The following CALD1 variants were observed in gnomAD, a reference collection of about 807,000 sequenced individuals.
CALD1 encodes the protein caldesmon 1.
In CALD1, 33 loss-of-function variants were observed where a neutral mutation model predicts 99.9. That is an observed-to-expected ratio of 0.33 (90% CI 0.25 to 0.44). The LOEUF (loss-of-function observed/expected upper bound fraction) is 0.44. Among genes scored for constraint, CALD1 ranks in the 20% least tolerant of loss-of-function variants. The probability of loss-of-function intolerance (pLI) is 1.00; values close to 1 mark genes in which losing one functional copy is unlikely to be tolerated. For missense variants in CALD1, 861 were observed against 962.1 expected, an observed-to-expected ratio of 0.89 and a Z score of 1.39; for synonymous variants, 310 against 325.0, an observed-to-expected ratio of 0.95 and a Z score of 0.50.
chr7:134,967,208 T>C lies in CALD1; in HGVS notation c.2377-1132T>C, dbSNP rs1408511912. On this transcript the variant is annotated intron_variant, in intron 14 of 14. Transcript: ENST00000361675. ...ATGAATGGTACTCCCTGGAGTTATG[T>C]AGCACCAGGGCAGTACAAGGTAGGA... Among the ~76,000 whole-genome samples, 3 of 152,178 alleles carry C rather than the reference T, an allele frequency of 2.0e-5. No homozygotes were observed. The East Asian group carries it at 5.8e-4, about 29-fold the overall frequency.
intron 1 of CALD1, among the ~76,000 whole-genome samples, chr7:134,802,957 G>T (rs947122756): frequency 6.6e-6 from 1 of 152,182 alleles, no homozygotes; most frequent in Non-Finnish European, 1.5e-5. Context: ...GTCTTTACAA[G>T]AAATTGCCAA....
intron 1 of CALD1, among the ~76,000 whole-genome samples, chr7:134,828,945 C>T (rs906392681): frequency 3.9e-5 from 6 of 152,204 alleles, no homozygotes; most frequent in South Asian, 4.1e-4. Flanking sequence ...ATTAGGAGCT[C>T]TTATTCTCAT....
intron 3 of CALD1, among the ~76,000 whole-genome samples, chr7:134,909,699 A>T (rs542944193): frequency 6.6e-6 from 1 of 152,168 alleles, no homozygotes; most frequent in Admixed American, 6.6e-5. Flanking sequence ...CTCAAAAAAA[A>T]AGGAACTTCG....
At chr7:134,762,397 G>C (rs11760710) in intron 1 of CALD1, among the ~76,000 whole-genome samples, 112,231 of 152,150 alleles carry the variant, frequency 0.74, 43,012 homozygotes, top group East Asian at 0.99. Flanking sequence ...CCATGGGAGG[G>C]GAGGAGTGTT....
intron 1 of CALD1, among the ~76,000 whole-genome samples, chr7:134,767,430 C>T (rs1458731124): frequency 1.3e-5 from 2 of 152,192 alleles, no homozygotes; most frequent in African/African-American, 2.4e-5. Flanking sequence ...AGATGACAGT[C>T]GGCTAGGCCA....
At position 134,968,381 on chromosome 7, in the gene CALD1, G is replaced by A. The variant is rs1237932979; in HGVS notation, c.*36G>A. 1.2e-6 allele frequency: 2 copies of A among 1,604,736 alleles called. No homozygotes were observed. Among genetic ancestry groups the A allele is most frequent in the Non-Finnish European group, 1.7e-6 (2 of 1,171,570 alleles). On this transcript the variant is annotated 3_prime_UTR_variant, in exon 15 of 15. Transcript: ENST00000361675. ...GAAAGAACCCAAGCTCAAGACGCAGGACGAGCTCAGTTGTAGAGGGCTAAT... is the reference window on the plus strand; with the variant it reads ...GAAAGAACCCAAGCTCAAGACGCAGAACGAGCTCAGTTGTAGAGGGCTAAT...
At chr7:134,879,830 T>C (rs955204381) in intron 3 of CALD1, among the ~76,000 whole-genome samples, 2 of 152,208 alleles carry the variant, frequency 1.3e-5, no homozygotes, top group Non-Finnish European at 2.9e-5. Flanking sequence ...TGTGTACCAA[T>C]GACTAGGTTA....
intron 2 of CALD1, among the ~76,000 whole-genome samples, chr7:134,850,467 T>C (rs1800029454): frequency 6.6e-6 from 1 of 152,352 alleles, no homozygotes; most frequent in South Asian, 2.1e-4. Context: ...TCTGGGCCTC[T>C]GTCTTTTCAT....
intron 1 of CALD1, among the ~76,000 whole-genome samples, chr7:134,758,380 A>C (rs1200981321): frequency 1.3e-5 from 2 of 152,200 alleles, no homozygotes; most frequent in Non-Finnish European, 2.9e-5. Context: ...CATATTAATC[A>C]TATTACTAGC....
chr7:134,787,683 G>A (rs1243995604), intron 1 of CALD1, among the ~76,000 whole-genome samples: 1 of 152,182 alleles, frequency 6.6e-6, no homozygotes, highest in Admixed American at 6.5e-5. Context: ...CAGAAGGACA[G>A]AAAATTTATC....
At chr7:134,923,514 T>C (rs549022551) in intron 3 of CALD1, among the ~76,000 whole-genome samples, 179 of 152,342 alleles carry the variant, frequency 1.2e-3, no homozygotes, top group Non-Finnish European at 1.9e-3. Context: ...AACAGGTTAA[T>C]ACTGGCATCT....
chr7:134,884,873 T>C (rs1483511595), intron 3 of CALD1, among the ~76,000 whole-genome samples: 1 of 152,198 alleles, frequency 6.6e-6, no homozygotes, highest in Non-Finnish European at 1.5e-5. Context: ...AAAACAAGTA[T>C]ATACACAGGA....
At chr7:134,800,664 A>G (rs1222074688) in intron 1 of CALD1, among the ~76,000 whole-genome samples, 1 of 152,066 alleles carries the variant, frequency 6.6e-6, no homozygotes, top group Non-Finnish European at 1.5e-5. Context: ...CTAGTCACAG[A>G]GATTTCTATC....
chr7:134,748,880 T>C (rs1208579540), intron 1 of CALD1, among the ~76,000 whole-genome samples: 1 of 152,098 alleles, frequency 6.6e-6, no homozygotes, highest in East Asian at 1.9e-4. Flanking sequence ...GATTAGGTCA[T>C]CAGAGCAGTC....
intron 2 of CALD1, among the ~76,000 whole-genome samples, chr7:134,847,070 A>G (rs1799880758): frequency 3.3e-5 from 5 of 152,166 alleles, no homozygotes; most frequent in Admixed American, 3.3e-4. Flanking sequence ...GCTTGGAGAG[A>G]AAGATCATTT....
chr7:134,720,496 G>A, the CALD1 span, among the ~76,000 whole-genome samples: 4 of 152,148 alleles, frequency 2.6e-5, no homozygotes, highest in African/African-American at 9.7e-5. Context: ...CAGAAATGGG[G>A]AACAAGAGCC....
chr7:134,824,242 G>T (rs575236124), intron 1 of CALD1, among the ~76,000 whole-genome samples: 1 of 152,118 alleles, frequency 6.6e-6, no homozygotes, highest in Non-Finnish European at 1.5e-5. Context: ...TTCTCTTTCA[G>T]CTGGGGGACT....
intron 1 of CALD1, among the ~76,000 whole-genome samples, chr7:134,805,406 G>T (rs960762641): frequency 1.3e-5 from 2 of 152,052 alleles, no homozygotes; most frequent in African/African-American, 2.4e-5. Context: ...ATTTCTAAGG[G>T]TTCTTTGTTG....
chr7:134,774,526 G>A (rs975472168), intron 1 of CALD1, among the ~76,000 whole-genome samples: 31 of 152,166 alleles, frequency 2.0e-4, no homozygotes, highest in Non-Finnish European at 3.4e-4. Flanking sequence ...TCAGTTTTCC[G>A]TCTGGTTGAG....
Sources: allele counts gnomAD v4.1 joint callset (sites outside exome capture counted in the v4.1 genomes callset), GRCh38; gene constraint gnomAD v4.1.1; transcripts MANE v1.5; gene names NCBI Gene and HGNC (gene_info 2026-07-23, HGNC 2026-07-21).